The following WWOX variants were observed in gnomAD, a reference collection of about 807,000 sequenced individuals.
WWOX encodes WW domain containing oxidoreductase, also known as WW domain-containing oxidoreductase.
Under a neutral mutation model 46.2 loss-of-function variants are expected in WWOX, and 69 were observed. That is an observed-to-expected ratio of 1.49 (90% CI 1.23 to 1.82). The LOEUF (loss-of-function observed/expected upper bound fraction) is 1.82. WWOX is among the 40% of genes most tolerant of loss of function. The pLI is 0.00. For missense variants in WWOX, 919 were observed against 542.6 expected (o/e 1.69, Z -6.89); for synonymous variants, 359 against 202.6 (o/e 1.77, Z -6.56).
chr16:78,995,616 C>T (rs553736652), intron 8 of WWOX, among the ~76,000 whole-genome samples: 121 of 151,892 alleles, frequency 8.0e-4, no homozygotes, highest in African/African-American at 2.9e-3. Flanking sequence ...AACTGCAAAA[C>T]CGCAAACTGG....
At chr16:78,528,273 C>A (rs904102392) in intron 8 of WWOX, among the ~76,000 whole-genome samples, 1 of 148,808 alleles carries the variant, frequency 6.7e-6, no homozygotes, top group Non-Finnish European at 1.5e-5. Context: ...CTCGGCCTCA[C>A]AAAGTGCTGG....
At chr16:78,468,630 A>G (rs1401435833) in intron 8 of WWOX, among the ~76,000 whole-genome samples, 2 of 152,132 alleles carry the variant, frequency 1.3e-5, no homozygotes, top group Non-Finnish European at 2.9e-5. Flanking sequence ...GACTTAGTAC[A>G]CATCCCATGT....
intron 8 of WWOX, among the ~76,000 whole-genome samples, chr16:79,148,441 A>T (rs567346067): frequency 2.6e-5 from 4 of 152,274 alleles, no homozygotes; most frequent in Middle Eastern, 3.4e-3. Context: ...CTCTCTGACA[A>T]TTATACGCTG....
intron 8 of WWOX, among the ~76,000 whole-genome samples, chr16:78,965,304 C>T (rs1460422419): frequency 3.3e-5 from 5 of 152,138 alleles, no homozygotes; most frequent in Admixed American, 2.0e-4. Context: ...CACGGTGGCT[C>T]ATGCCTATAA....
intron 8 of WWOX, among the ~76,000 whole-genome samples, chr16:78,860,099 C>T (rs968230675): frequency 2.6e-5 from 4 of 152,144 alleles, no homozygotes; most frequent in Non-Finnish European, 4.4e-5. Context: ...AACACATAAA[C>T]TTTTGGCTGG....
rs879644346 is a variant in WWOX at position 78,175,029 on chromosome 16, T to TAATAATAAG, written c.516+10742_516+10743insTAATAAGAA. ...ATAATAATAATAATAATAATAATAA[T>TAATAATAAG]AAGAATCTGACTAAGGTTATTAACC... On this transcript the variant is annotated intron_variant, in intron 5 of 8. Coordinates refer to ENST00000566780, the MANE Select transcript of WWOX (RefSeq NM_016373.4). Among the ~76,000 whole-genome samples the TAATAATAAG allele has an allele frequency of 1.6e-4, 21 of 129,748 alleles. No individual in the cohort carries two copies. The East Asian group carries it at 2.0e-3, about 12-fold the overall frequency. The allele number at this position is 129,748 out of a possible 152,430, so 85.1% of individuals were successfully genotyped here.
chr16:78,677,022 G>A (rs1037815835), intron 8 of WWOX, among the ~76,000 whole-genome samples: 1 of 151,490 alleles, frequency 6.6e-6, no homozygotes, highest in African/African-American at 2.4e-5. Context: ...ATTTAAAAAA[G>A]CAACAAAAGC....
intron 8 of WWOX, among the ~76,000 whole-genome samples, chr16:79,173,733 A>G (rs2050746227): frequency 6.6e-6 from 1 of 152,220 alleles, no homozygotes; most frequent in Non-Finnish European, 1.5e-5. Context: ...TATTCACTTA[A>G]TGGAATACTA....
At chr16:78,212,438 G>T (rs1190035079) in intron 5 of WWOX, among the ~76,000 whole-genome samples, 1 of 152,186 alleles carries the variant, frequency 6.6e-6, no homozygotes, top group East Asian at 1.9e-4. Context: ...ATTTGCCAGG[G>T]GGAAATGGAG....
intron 8 of WWOX, among the ~76,000 whole-genome samples, chr16:78,689,568 T>C (rs1216774661): frequency 6.6e-6 from 1 of 152,204 alleles, no homozygotes; most frequent in Non-Finnish European, 1.5e-5. Context: ...AGAGAATCCC[T>C]TCACCCTTCA....
At chr16:78,385,655 C>T (rs533048176) in intron 5 of WWOX, among the ~76,000 whole-genome samples, 1 of 152,212 alleles carries the variant, frequency 6.6e-6, no homozygotes, top group African/African-American at 2.4e-5. Context: ...CATCCCTGAA[C>T]AGGACACTTA....
At chr16:78,367,034 C>T (rs1447541878) in intron 5 of WWOX, among the ~76,000 whole-genome samples, 2 of 129,550 alleles carry the variant, frequency 1.5e-5, no homozygotes, top group African/African-American at 3.0e-5. Flanking sequence ...GGCTGGAGTG[C>T]AGTGGTGTGA....
chr16:79,082,496 A>T (rs2150584111), intron 8 of WWOX, among the ~76,000 whole-genome samples: 1 of 152,228 alleles, frequency 6.6e-6, no homozygotes, highest in African/African-American at 2.4e-5. Context: ...ACCTATGGAG[A>T]TGTTGAAAGT....
At chr16:78,862,412 C>T (rs1597074976) in intron 8 of WWOX, among the ~76,000 whole-genome samples, 1 of 151,470 alleles carries the variant, frequency 6.6e-6, no homozygotes, top group Non-Finnish European at 1.5e-5. Flanking sequence ...ATGTACTATA[C>T]ACTGTGTACT....
intron 5 of WWOX, among the ~76,000 whole-genome samples, chr16:78,214,725 C>A (rs557008029): frequency 1.5e-4 from 23 of 152,188 alleles, no homozygotes; most frequent in African/African-American, 5.5e-4. Context: ...TCAGTTTGAC[C>A]CTCAGTTGGC....
chr16:78,384,678 G>C (rs1220242251), intron 5 of WWOX, among the ~76,000 whole-genome samples: 5 of 152,136 alleles, frequency 3.3e-5, no homozygotes, highest in Non-Finnish European at 1.5e-5. Flanking sequence ...TCCTAGATCA[G>C]GTTCATGTTT....
chr16:78,557,794 C>G (rs75799494), intron 8 of WWOX, among the ~76,000 whole-genome samples: 3,874 of 148,514 alleles, frequency 0.026, 146 homozygotes, highest in African/African-American at 0.085. Context: ...CTCCTGGGTT[C>G]AAACAATTCT....
rs149394064 is a variant in WWOX, at chr16:78,459,728, A to G, written c.1056+26976A>G. Among the ~76,000 whole-genome samples, 29 of 152,314 alleles carry G rather than the reference A, an allele frequency of 1.9e-4. No individual in the cohort carries two copies. The East Asian group carries it at 5.4e-3, about 28-fold the overall frequency. On this transcript the variant is annotated intron_variant, in intron 8 of 8. Transcript: ENST00000566780. ...TAAGTATTTAAAAATAATACCAGTG[A>G]CATGTTTGCATTTACATTCAGCCTG... is the stretch of plus-strand genomic sequence containing the variant.
chr16:78,817,224 C>T (rs2051357676), intron 8 of WWOX, among the ~76,000 whole-genome samples: 1 of 109,630 alleles, frequency 9.1e-6, no homozygotes, highest in Non-Finnish European at 1.7e-5. Flanking sequence ...GACTCTGATT[C>T]ACAAAGAATA....
Sources: gnomAD v4.1 joint callset for allele counts (sites outside exome capture counted in the v4.1 genomes callset) on GRCh38, gnomAD v4.1.1 for gene constraint, MANE v1.5 for transcripts, NCBI Gene and HGNC (gene_info 2026-07-23, HGNC 2026-07-21) for gene names.